SH3BP4: variants seen among roughly 807,000 people sequenced by gnomAD.
The protein encoded by SH3BP4 is SH3 domain binding protein 4.
Under a neutral mutation model 65.5 loss-of-function variants are expected in SH3BP4, and 33 were observed. The observed-to-expected ratio is 0.50, with a 90% CI of 0.38 to 0.67. The LOEUF (loss-of-function observed/expected upper bound fraction) is 0.67. Among genes scored for constraint, SH3BP4 ranks in the 30% least tolerant of loss-of-function variants. The probability of loss-of-function intolerance (pLI) is 0.00; values close to 1 mark genes in which losing one functional copy is unlikely to be tolerated. For synonymous variants in SH3BP4, 552 were observed against 545.5 expected, an observed-to-expected ratio of 1.01 and a Z score of -0.17; for missense variants, 1,134 against 1,261.4, an observed-to-expected ratio of 0.90 and a Z score of 1.53.
chr2:235,023,550 C>G (rs115201566), intron 2 of SH3BP4, among the ~76,000 whole-genome samples: 28 of 151,446 alleles, frequency 1.8e-4, no homozygotes, highest in African/African-American at 6.8e-4. Context: ...CCATCTCGGG[C>G]GGTGGGGTGG....
chr2:235,020,683 T>C (rs1008676081), intron 2 of SH3BP4, among the ~76,000 whole-genome samples: 2 of 152,262 alleles, frequency 1.3e-5, no homozygotes, highest in Non-Finnish European at 2.9e-5. Context: ...CTACTGCTGT[T>C]ACTACTACAG....
chr2:235,038,092 A>G (rs868206910), intron 3 of SH3BP4, among the ~76,000 whole-genome samples: 3 of 149,614 alleles, frequency 2.0e-5, no homozygotes, highest in African/African-American at 7.4e-5. Flanking sequence ...ATACAACAGC[A>G]AACAAAACAG....
chr2:235,049,799 C>T (rs1441203583), intron 4 of SH3BP4, among the ~76,000 whole-genome samples: 1 of 152,194 alleles, frequency 6.6e-6, no homozygotes, highest in Non-Finnish European at 1.5e-5. Flanking sequence ...GGGAAGGCCG[C>T]TGGCCGAGTG....
In SH3BP4 at chr2:235,041,773, C is replaced by G; in HGVS notation, c.1004C>G (p.Thr335Ser). Residue 335 changes from threonine to serine, a missense_variant, in exon 4 of 6, where the codon ACC (threonine) becomes AGC (serine). Thr to Ser is a moderately conservative substitution (Grantham distance 58, BLOSUM62 1). Coordinates refer to ENST00000392011, the MANE Select transcript of SH3BP4 (RefSeq NM_014521.3). The surrounding 1 kb of genome is among the most constrained non-coding windows in gnomAD (Gnocchi z 6.0). ...SSGGAVQLPD[T>S]SISIHVPEGH... is the part of the protein sequence containing the mutation. ...GGGGGTGCTGTCCAGCTTCCTGACA[C>G]CAGCATCAGCATCCACGTGCCCGAG... is the stretch of plus-strand genomic sequence containing the variant. 6.3e-7 allele frequency: 1 copy of G among 1,598,562 alleles called. No individual in the cohort carries two copies. Among genetic ancestry groups the G allele is most frequent in the Non-Finnish European group, 8.5e-7 (1 of 1,170,790 alleles).
intron 1 of SH3BP4, among the ~76,000 whole-genome samples, chr2:234,992,243 G>A (rs117181449): frequency 2.4e-4 from 37 of 152,330 alleles, no homozygotes; most frequent in African/African-American, 7.2e-4. Context: ...TTGTGCCTTG[G>A]GGGGCAGGAG....
chr2:234,979,728 G>A (rs1693301601), intron 1 of SH3BP4: 1 of 152,242 alleles, frequency 6.6e-6, no homozygotes, highest in Non-Finnish European at 1.5e-5. Flanking sequence ...AAGGAACTGA[G>A]GGTGGCCTCC....
At chr2:235,001,298 G>T (rs1694089466) in intron 2 of SH3BP4, among the ~76,000 whole-genome samples, 1 of 152,210 alleles carries the variant, frequency 6.6e-6, no homozygotes, top group Admixed American at 6.5e-5. Context: ...GTTTTCTAAA[G>T]AGAGGGTCCA....
chr2:234,973,535 G>A (rs916426955), intron 1 of SH3BP4, among the ~76,000 whole-genome samples: 2 of 152,158 alleles, frequency 1.3e-5, no homozygotes, highest in African/African-American at 2.4e-5. Flanking sequence ...CAGTCCCAAA[G>A]CAATTTGACT....
intron 2 of SH3BP4, among the ~76,000 whole-genome samples, chr2:235,018,596 T>C (rs1694758906): frequency 6.6e-6 from 1 of 152,342 alleles, no homozygotes; most frequent in Admixed American, 6.5e-5. Flanking sequence ...ATAGGTATTA[T>C]TACGAGTAAT....
At position 235,052,428 on chromosome 2, in the gene SH3BP4, T is replaced by G; in HGVS notation, c.2479-134T>G. Reference sequence around the variant, plus strand: ...TGGCAGTGATCGATTTCAGGGGACATTTGGTAGTAGGCCAGGGAACATGGA... The same window carrying G: ...TGGCAGTGATCGATTTCAGGGGACAGTTGGTAGTAGGCCAGGGAACATGGA... On this transcript the variant is annotated intron_variant, in intron 4 of 5. Transcript: ENST00000392011. The surrounding 1 kb of genome is among the most constrained non-coding windows in gnomAD (Gnocchi z 5.0). 1.6e-6 allele frequency: 1 copy of G among 635,772 alleles called. No individual in the cohort carries two copies. 39.4% of individuals were successfully genotyped at this position (635,772 alleles called of 1,614,324 possible). A position where few individuals can be genotyped will look rare whatever the true frequency, so the allele number is the denominator to read the frequency against.
chr2:235,001,053 G>A (rs564880560), intron 2 of SH3BP4, among the ~76,000 whole-genome samples: 4 of 152,330 alleles, frequency 2.6e-5, no homozygotes, highest in Admixed American at 6.5e-5. Context: ...GAGCTGGGAC[G>A]TACAACCTCG....
chr2:235,052,881 G>T lies in SH3BP4; in HGVS notation c.2667+131G>T, dbSNP rs1696106915. 22 of 863,524 alleles carry T rather than the reference G, an allele frequency of 2.5e-5. No homozygotes were observed. In the South Asian group the frequency reaches 3.7e-4, roughly 15 times the overall value. The allele number at this position is 863,524 out of a possible 1,614,324, so 53.5% of individuals were successfully genotyped here. Reference sequence around the variant, plus strand: ...GGGTGCAACAGGTGGAAATGTGCACGCATGTGCCCAGCACTGGGTGTGCCT... The same window carrying T: ...GGGTGCAACAGGTGGAAATGTGCACTCATGTGCCCAGCACTGGGTGTGCCT... On this transcript the variant is annotated intron_variant, in intron 5 of 5. Coordinates refer to ENST00000392011, the MANE Select transcript of SH3BP4 (RefSeq NM_014521.3). This position sits in a 1 kb window ranked among gnomAD's most constrained non-coding sequence, Gnocchi z 5.0.
At chr2:235,038,386 TATA>T (rs1265778428) in intron 3 of SH3BP4, among the ~76,000 whole-genome samples, 1 of 13,284 alleles carries the variant, frequency 7.5e-5, no homozygotes, top group Admixed American at 1.6e-3. Flanking sequence ...CATATATATA[TATA>T]TATATATATA....
At chr2:235,036,108 T>C (rs1466798373) in intron 3 of SH3BP4, among the ~76,000 whole-genome samples, 3 of 152,204 alleles carry the variant, frequency 2.0e-5, no homozygotes, top group African/African-American at 7.2e-5. Context: ...TGTACAAAAA[T>C]TATATGCACT....
At chr2:235,040,412 A>G (rs139032889) in intron 3 of SH3BP4, among the ~76,000 whole-genome samples, 71 of 151,978 alleles carry the variant, frequency 4.7e-4, no homozygotes, top group African/African-American at 1.7e-3. Context: ...CAGCTCATAC[A>G]TGTCATTGCG....
chr2:234,960,739 C>T (rs547910137), intron 1 of SH3BP4, among the ~76,000 whole-genome samples: 1 of 152,262 alleles, frequency 6.6e-6, no homozygotes, highest in African/African-American at 2.4e-5. Context: ...TTGGCCTTTT[C>T]CCTGTGTTAC....
intron 1 of SH3BP4, among the ~76,000 whole-genome samples, chr2:234,975,493 G>C (rs1693142406): frequency 6.6e-6 from 1 of 152,190 alleles, no homozygotes; most frequent in Non-Finnish European, 1.5e-5. Context: ...CTACCTGCAA[G>C]ACAAGCACTG....
chr2:235,014,182 C>T lies in SH3BP4; in HGVS notation c.-133+18806C>T, dbSNP rs115148720. On this transcript the variant is annotated intron_variant, in intron 2 of 5. Coordinates refer to ENST00000392011, the MANE Select transcript of SH3BP4 (RefSeq NM_014521.3). ...CGGTGGATATAGAGGTGTAATTACC[C>T]GTTGCCTGCCGACATCAGCCTGATC... Among the ~76,000 whole-genome samples the T allele has an allele frequency of 9.9e-3, 1,514 of 152,190 alleles. 10 individuals are homozygous for T. Among genetic ancestry groups the T allele is most frequent in the Non-Finnish European group, 0.017 (1,157 of 68,014 alleles).
chr2:234,955,746 G>T (rs575944043), intron 1 of SH3BP4, among the ~76,000 whole-genome samples: 10 of 152,258 alleles, frequency 6.6e-5, no homozygotes, highest in Middle Eastern at 6.8e-3. Context: ...AAGGTTTGGG[G>T]TATTTTGAGG....
Sources: gnomAD v4.1 joint callset for allele counts (sites outside exome capture counted in the v4.1 genomes callset) on GRCh38, gnomAD v4.1.1 for gene constraint, Gnocchi (gnomAD v3.1) non-coding constraint, MANE v1.5 for transcripts, NCBI Gene and HGNC (gene_info 2026-07-23, HGNC 2026-07-21) for gene names.